Variants in LYRM4 observed in about 807,000 individuals in gnomAD.
LYRM4 encodes LYR motif containing 4, also known as LYR motif-containing protein 4.
LYRM4 carries 9 observed loss-of-function variants against 11.7 expected under a neutral mutation model. The ratio of observed to expected loss-of-function variants is 0.77; its 90% CI spans 0.46 to 1.34. The LOEUF (loss-of-function observed/expected upper bound fraction) is 1.34, where lower values mean the gene tolerates loss of function less well. LYRM4 is among the 40% of genes most tolerant of loss of function. The pLI is 0.00. For synonymous variants in LYRM4, 42 were observed against 40.4 expected, an observed-to-expected ratio of 1.04 and a Z score of -0.15; for missense variants, 133 against 112.5, an observed-to-expected ratio of 1.18 and a Z score of -0.82.
chr6:5,074,666 C>A, the LYRM4 span, among the ~76,000 whole-genome samples: 1 of 150,358 alleles, frequency 6.7e-6, no homozygotes. Flanking sequence ...GGTACATGTG[C>A]ACAACATGCA....
At chr6:5,208,096 T>C (rs958045595) in intron 2 of LYRM4, among the ~76,000 whole-genome samples, 3 of 152,014 alleles carry the variant, frequency 2.0e-5, no homozygotes, top group African/African-American at 7.3e-5. Context: ...AGGATAAGAG[T>C]TCCTTTCTCT....
chr6:5,045,914 G>T, the LYRM4 span, among the ~76,000 whole-genome samples: 1 of 152,204 alleles, frequency 6.6e-6, no homozygotes, highest in African/African-American at 2.4e-5. Flanking sequence ...GCCCCTTTGG[G>T]CTTCTGGTGC....
intron 2 of LYRM4, among the ~76,000 whole-genome samples, chr6:5,146,624 C>T (rs1484831208): frequency 6.6e-6 from 1 of 152,166 alleles, no homozygotes; most frequent in African/African-American, 2.4e-5. Context: ...CCCCAGGCAT[C>T]AATCTTGCTT....
the LYRM4 span, among the ~76,000 whole-genome samples, chr6:5,046,936 C>T: frequency 6.6e-6 from 1 of 152,050 alleles, no homozygotes; most frequent in Non-Finnish European, 1.5e-5. Context: ...CAAAAGAATA[C>T]AAAAATTAGC....
chr6:5,226,280 A>C (rs1762889230), intron 1 of LYRM4, among the ~76,000 whole-genome samples: 1 of 152,176 alleles, frequency 6.6e-6, no homozygotes, highest in African/African-American at 2.4e-5. Flanking sequence ...TGAGGACATT[A>C]AGCCATGTGT....
intron 2 of LYRM4, among the ~76,000 whole-genome samples, chr6:5,154,214 T>C (rs1347413362): frequency 1.3e-5 from 2 of 152,210 alleles, no homozygotes; most frequent in African/African-American, 4.8e-5. Context: ...TCATTCCATA[T>C]ATTCAATCTT....
the LYRM4 span, among the ~76,000 whole-genome samples, chr6:5,074,212 T>G: frequency 6.6e-6 from 1 of 152,108 alleles, no homozygotes; most frequent in African/African-American, 2.4e-5. Context: ...CATGGCTATG[T>G]AAATACATAG....
chr6:5,048,183 TTGA>T, the LYRM4 span, among the ~76,000 whole-genome samples: 1 of 152,244 alleles, frequency 6.6e-6, no homozygotes, highest in African/African-American at 2.4e-5. Context: ...GTGACAAATC[TTGA>T]TGATTCTGTA....
At chr6:5,093,718 A>G in the LYRM4 span, among the ~76,000 whole-genome samples, 3 of 152,240 alleles carry the variant, frequency 2.0e-5, no homozygotes, top group East Asian at 1.9e-4. Flanking sequence ...GCAACAGTGG[A>G]TGCCTGTGGT....
At position 5,132,494 on chromosome 6, in the gene LYRM4, C is replaced by T. The variant is rs1019731783; in HGVS notation, c.208-23003G>A. 9.2e-5 allele frequency among the ~76,000 whole-genome samples: 14 copies of T among 152,222 alleles called. 1 individual carries two copies. Among genetic ancestry groups the T allele is most frequent in the Admixed American group, 2.0e-4 (3 of 15,286 alleles). On this transcript the variant is annotated intron_variant, in intron 2 of 2. Transcript: ENST00000330636. ...TATTCTTTCTAATTAACATTTTAAA[C>T]GAAAATCCCATGCTTTCAAAGAGAA...
chr6:5,085,695 G>A, the LYRM4 span: 1 of 1,547,980 alleles, frequency 6.5e-7, no homozygotes, highest in Non-Finnish European at 8.7e-7. Flanking sequence ...CCCAGGAGCA[G>A]GAGGAGCTGC....
the LYRM4 span, among the ~76,000 whole-genome samples, chr6:5,062,065 C>T: frequency 1.4e-5 from 2 of 144,432 alleles, no homozygotes; most frequent in African/African-American, 5.1e-5. Flanking sequence ...TTTATTTCTT[C>T]TTCCCCTTCC....
At chr6:5,085,765 C>T in the LYRM4 span, 1 of 1,536,320 alleles carries the variant, frequency 6.5e-7, no homozygotes, top group Middle Eastern at 2.0e-4. Flanking sequence ...CCCCATCTTG[C>T]AGGCGGCCAA....
chr6:5,087,733 C>T, the LYRM4 span: 5 of 152,544 alleles, frequency 3.3e-5, no homozygotes, highest in East Asian at 7.7e-4. Flanking sequence ...AGATGGCCAC[C>T]TCTGCAGGCC....
intron 1 of LYRM4, among the ~76,000 whole-genome samples, chr6:5,229,152 C>G (rs1227306018): frequency 2.6e-5 from 4 of 151,554 alleles, no homozygotes; most frequent in Admixed American, 2.0e-4. Context: ...ACAGCTAAGA[C>G]AATTTTGTTT....
chr6:5,047,255 C>T, the LYRM4 span, among the ~76,000 whole-genome samples: 1 of 152,184 alleles, frequency 6.6e-6, no homozygotes, highest in Non-Finnish European at 1.5e-5. Context: ...TCTGAGTATA[C>T]TTTAGATTTC....
chr6:5,174,738 GGT>G (rs1759623076), intron 2 of LYRM4, among the ~76,000 whole-genome samples: 1 of 152,024 alleles, frequency 6.6e-6, no homozygotes, highest in Admixed American at 6.6e-5. Context: ...ACTAAATTAA[GGT>G]GTGTATATAT....
intron 2 of LYRM4, among the ~76,000 whole-genome samples, chr6:5,150,512 G>A (rs1326760208): frequency 1.3e-5 from 2 of 152,152 alleles, no homozygotes; most frequent in Non-Finnish European, 2.9e-5. Flanking sequence ...GGTGAGGTCT[G>A]AGGTATGCAA....
the LYRM4 span, among the ~76,000 whole-genome samples, chr6:5,084,168 G>A: frequency 6.6e-6 from 1 of 152,238 alleles, no homozygotes; most frequent in Non-Finnish European, 1.5e-5. Context: ...GGGCCCCCGA[G>A]TGATGTCCGT....
Sources: gnomAD v4.1 joint callset for allele counts (sites outside exome capture counted in the v4.1 genomes callset) on GRCh38, gnomAD v4.1.1 for gene constraint, MANE v1.5 for transcripts, NCBI Gene and HGNC (gene_info 2026-07-23, HGNC 2026-07-21) for gene names.